Variants in ATRNL1 observed in about 807,000 individuals in gnomAD.
ATRNL1 encodes the protein attractin-like protein 1.
ATRNL1 carries 95 observed loss-of-function variants against 182.7 expected under a neutral mutation model. The ratio of observed to expected loss-of-function variants is 0.52; its 90% CI spans 0.44 to 0.62. The LOEUF (loss-of-function observed/expected upper bound fraction) is 0.62, where lower values mean the gene tolerates loss of function less well. ATRNL1 is among the 20% of genes least tolerant of loss of function. ATRNL1 has a pLI of 0.00. For synonymous variants in ATRNL1, 576 were observed against 568.3 expected, an observed-to-expected ratio of 1.01 and a Z score of -0.19; for missense variants, 1,471 against 1,679.5, an observed-to-expected ratio of 0.88 and a Z score of 2.17.
At position 115,539,788 on chromosome 10, in the gene ATRNL1, A is replaced by G. The variant is rs766252213; in HGVS notation, c.3717-9670A>G. On this transcript the variant is annotated intron_variant, in intron 25 of 28. Coordinates refer to ENST00000355044, the MANE Select transcript of ATRNL1 (RefSeq NM_207303.4). ...AAGGGAAGGGAATATTCCTCTAATCATAGTGGAGCTCTGGCTACAGAGAGC... is the reference window on the plus strand; with the variant it reads ...AAGGGAAGGGAATATTCCTCTAATCGTAGTGGAGCTCTGGCTACAGAGAGC... 8.5e-5 allele frequency among the ~76,000 whole-genome samples: 13 copies of G among 152,076 alleles called. No individual in the cohort carries two copies. In the South Asian group the frequency reaches 1.0e-3, roughly 12 times the overall value.
chr10:115,732,596 C>T (rs1478861768), intron 27 of ATRNL1, among the ~76,000 whole-genome samples: 2 of 152,072 alleles, frequency 1.3e-5, no homozygotes, highest in East Asian at 3.9e-4. Context: ...GAACATATTT[C>T]ATCTTTTTTT....
At chr10:115,850,274 T>C (rs782088382) in intron 28 of ATRNL1, among the ~76,000 whole-genome samples, 1 of 152,192 alleles carries the variant, frequency 6.6e-6, no homozygotes, top group Non-Finnish European at 1.5e-5. Context: ...GTTTAAATAT[T>C]TAATAATGAA....
chr10:115,842,336 T>G (rs1191628156), intron 27 of ATRNL1, among the ~76,000 whole-genome samples: 1 of 152,102 alleles, frequency 6.6e-6, no homozygotes, highest in Non-Finnish European at 1.5e-5. Context: ...AAAAATTAGA[T>G]GTGCCATTTA....
intron 9 of ATRNL1, among the ~76,000 whole-genome samples, chr10:115,219,242 A>G (rs902365377): frequency 6.6e-6 from 1 of 151,854 alleles, no homozygotes; most frequent in Non-Finnish European, 1.5e-5. Context: ...AAAAAAAAAA[A>G]AAAAAAAGAA....
intron 1 of ATRNL1, among the ~76,000 whole-genome samples, chr10:115,114,950 G>A (rs1554869435): frequency 2.0e-4 from 31 of 152,008 alleles, no homozygotes. Context: ...TTGCAGCATT[G>A]TTCATAATAG....
At chr10:115,834,959 C>T (rs1950636273) in intron 27 of ATRNL1, among the ~76,000 whole-genome samples, 1 of 152,182 alleles carries the variant, frequency 6.6e-6, no homozygotes, top group South Asian at 2.1e-4. Flanking sequence ...ATACTTGGAA[C>T]ATGTATTAGT....
intron 26 of ATRNL1, among the ~76,000 whole-genome samples, chr10:115,666,234 G>T (rs1182566949): frequency 6.6e-6 from 1 of 152,074 alleles, no homozygotes; most frequent in Non-Finnish European, 1.5e-5. Flanking sequence ...GTCGTCCAAG[G>T]TTTGAAAAAC....
intron 25 of ATRNL1, among the ~76,000 whole-genome samples, chr10:115,538,213 C>A (rs1554991025): frequency 6.6e-6 from 1 of 152,096 alleles, no homozygotes; most frequent in African/African-American, 2.4e-5. Flanking sequence ...AGCATAAATA[C>A]CAGGAAGTAG....
At chr10:115,898,921 CT>C (rs545015195) in intron 28 of ATRNL1, among the ~76,000 whole-genome samples, 197 of 151,860 alleles carry the variant, frequency 1.3e-3, no homozygotes, top group African/African-American at 4.3e-3. Context: ...TAATATGAAA[CT>C]TTTTTTGTTT....
intron 28 of ATRNL1, among the ~76,000 whole-genome samples, chr10:115,890,266 A>G (rs1565464400): frequency 6.6e-6 from 1 of 152,174 alleles, no homozygotes; most frequent in Non-Finnish European, 1.5e-5. Flanking sequence ...TAAGAATGCA[A>G]CCTATTAAGC....
chr10:115,892,813 G>A (rs118037945), intron 28 of ATRNL1, among the ~76,000 whole-genome samples: 3,727 of 152,250 alleles, frequency 0.024, 73 homozygotes, highest in Non-Finnish European at 0.036. Flanking sequence ...ATGCGCCTGT[G>A]TTTGTGATTG....
intron 24 of ATRNL1, among the ~76,000 whole-genome samples, chr10:115,516,443 A>G (rs553634708): frequency 1.3e-5 from 2 of 151,920 alleles, no homozygotes; most frequent in African/African-American, 4.8e-5. Flanking sequence ...GCAAGCTACT[A>G]TTGCCTTATG....
chr10:115,322,241 A>C (rs1475742690), intron 18 of ATRNL1, among the ~76,000 whole-genome samples: 2 of 151,980 alleles, frequency 1.3e-5, no homozygotes, highest in Admixed American at 6.5e-5. Flanking sequence ...ACTTTAATAA[A>C]ATTATTACTT....
At chr10:115,694,172 G>A (rs1020148669) in intron 26 of ATRNL1, among the ~76,000 whole-genome samples, 19 of 146,936 alleles carry the variant, frequency 1.3e-4, no homozygotes, top group Non-Finnish European at 2.1e-4. Context: ...CTACACAGAC[G>A]CACACACACA....
intron 27 of ATRNL1, among the ~76,000 whole-genome samples, chr10:115,798,712 G>C (rs1949716931): frequency 6.6e-6 from 1 of 151,884 alleles, no homozygotes; most frequent in Admixed American, 6.6e-5. Flanking sequence ...AGTTCTTCTT[G>C]AAATGTTTCT....
intron 27 of ATRNL1, among the ~76,000 whole-genome samples, chr10:115,798,208 C>A (rs573594243): frequency 6.6e-6 from 1 of 152,186 alleles, no homozygotes; most frequent in African/African-American, 2.4e-5. Context: ...GGAGCCACCG[C>A]GCCCAGCCTC....
intron 26 of ATRNL1, among the ~76,000 whole-genome samples, chr10:115,646,036 TACACAC>T (rs58679995): frequency 6.2e-4 from 88 of 141,660 alleles, no homozygotes; most frequent in African/African-American, 2.1e-3. Flanking sequence ...TTTTAAAATT[TACACAC>T]ACACACACAC....
At chr10:115,145,621 T>C (rs1479323221) in intron 5 of ATRNL1, among the ~76,000 whole-genome samples, 2 of 152,170 alleles carry the variant, frequency 1.3e-5, no homozygotes, top group East Asian at 1.9e-4. Context: ...TGTAACAAAA[T>C]CAAATTTTTA....
chr10:115,403,981 T>A (rs1554957622), intron 20 of ATRNL1, among the ~76,000 whole-genome samples: 2 of 152,208 alleles, frequency 1.3e-5, no homozygotes, highest in Admixed American at 1.3e-4. Flanking sequence ...TCAGAACGCA[T>A]GTTACTCATG....
Sources: allele counts gnomAD v4.1 joint callset (sites outside exome capture counted in the v4.1 genomes callset), GRCh38; gene constraint gnomAD v4.1.1; transcripts MANE v1.5; gene names NCBI Gene and HGNC (gene_info 2026-07-23, HGNC 2026-07-21).